Variants in SP140L observed in about 807,000 individuals in gnomAD.
The protein encoded by SP140L is SP140 like nuclear body protein.
In SP140L, 64 loss-of-function variants were observed where a neutral mutation model predicts 84.3. The ratio of observed to expected loss-of-function variants is 0.76; its 90% CI spans 0.62 to 0.94. The LOEUF (loss-of-function observed/expected upper bound fraction) is 0.94, where lower values mean the gene tolerates loss of function less well. Ranked by LOEUF, SP140L falls within the 40% of genes least tolerant of loss-of-function variation. The pLI is 0.00. For missense variants in SP140L, 628 were observed against 692.5 expected (o/e 0.91, Z 1.05); for synonymous variants, 242 against 236.9 (o/e 1.02, Z -0.20).
intron 18 of SP140L, among the ~76,000 whole-genome samples, chr2:230,402,357 C>G (rs2062385480): frequency 6.6e-6 from 1 of 152,182 alleles, no homozygotes; most frequent in Non-Finnish European, 1.5e-5. Context: ...GTAATAATCC[C>G]AACTGTGGAA....
intron 2 of SP140L, among the ~76,000 whole-genome samples, chr2:230,352,813 TATATATATATATATATTTGTATACACAC>T (rs1038452304): frequency 5.8e-5 from 8 of 136,778 alleles, no homozygotes; most frequent in Non-Finnish European, 9.0e-5. Context: ...TGTATGTGTG[TATATATATATATATATTTGTATACACAC>T]ATGCACACAC....
At chr2:230,396,536 T>G (rs1052103077) in intron 13 of SP140L, among the ~76,000 whole-genome samples, 6 of 152,162 alleles carry the variant, frequency 3.9e-5, no homozygotes, top group Admixed American at 3.9e-4. Context: ...AGTTGGTAAA[T>G]TCTCTAGTTT....
chr2:230,351,271 A>G (rs986603954), intron 2 of SP140L, among the ~76,000 whole-genome samples: 16 of 152,222 alleles, frequency 1.1e-4, no homozygotes, highest in Non-Finnish European at 1.8e-4. Context: ...CTTCTCCCAC[A>G]TGGCATAGTG....
In SP140L at chr2:230,375,742, G is replaced by GT. The variant is rs2061223189; in HGVS notation, c.637+4093dup. Among the ~76,000 whole-genome samples the GT allele has an allele frequency of 2.0e-5, 3 of 152,120 alleles. No homozygotes were observed. In the South Asian group the frequency reaches 6.2e-4, roughly 32 times the overall value. On this transcript the variant is annotated intron_variant, in intron 7 of 18. Transcript: ENST00000415673. ...GATCCTTTGCCCATTTTTAAATTAGGTTATGACATGATTTTGTTTTGTTTT... is the reference window on the plus strand; with the variant it reads ...GATCCTTTGCCCATTTTTAAATTAGGTTTATGACATGATTTTGTTTTGTTTT...
chr2:230,361,620 A>G lies in SP140L; in HGVS notation c.446A>G (p.Gln149Arg), dbSNP rs1291333723. The change falls in exon 5 of 19, where the codon CAA becomes CGA. Residue 149 changes from glutamine to arginine, a missense_variant. Gln to Arg is a conservative substitution (Grantham distance 43). This residue lies in a region of SP140L where 525 missense variants were observed against 518.4 expected (regional missense o/e 1.01). Coordinates refer to ENST00000415673, the MANE Select transcript of SP140L (RefSeq NM_138402.6). Reference protein sequence around the residue: ...HIYKSFKNAIQDKLSFQESDR... With the variant: ...HIYKSFKNAIRDKLSFQESDR... Reference sequence around the variant, plus strand: ...TCTCTCTCCCACTCTTCAGCAATCCAAGACAAATTGTCTTTCCAAGAAAGT... The same window carrying G: ...TCTCTCTCCCACTCTTCAGCAATCCGAGACAAATTGTCTTTCCAAGAAAGT... The G allele has an allele frequency of 1.4e-5, 22 of 1,558,558 alleles. No individual in the cohort carries two copies. Among genetic ancestry groups the G allele is most frequent in the Non-Finnish European group, 1.9e-5 (22 of 1,150,092 alleles).
chr2:230,339,182 T>C (rs2059961897), intron 2 of SP140L, among the ~76,000 whole-genome samples: 1 of 152,098 alleles, frequency 6.6e-6, no homozygotes, highest in South Asian at 2.1e-4. Flanking sequence ...GCTCCTGTTA[T>C]TGGCCTATTC....
At chr2:230,390,304 A>G (rs773963258) in intron 11 of SP140L, among the ~76,000 whole-genome samples, 5 of 152,238 alleles carry the variant, frequency 3.3e-5, no homozygotes, top group Non-Finnish European at 7.3e-5. Context: ...TTTACTTTGA[A>G]TCAGACAGAA....
intron 5 of SP140L, 117 bp from the exon 6 acceptor site, chr2:230,370,791 G>T (rs1244294317): frequency 2.3e-6 from 2 of 868,090 alleles, no homozygotes; most frequent in East Asian, 2.7e-5. Context: ...AGCAACCAGG[G>T]TGCAGAAAAG....
chr2:230,402,322 GA>G (rs1394204027), intron 18 of SP140L, among the ~76,000 whole-genome samples: 3 of 152,198 alleles, frequency 2.0e-5, no homozygotes, highest in Admixed American at 1.3e-4. Context: ...CTAACCCACT[GA>G]AATAAGCAAC....
intron 2 of SP140L, among the ~76,000 whole-genome samples, chr2:230,356,476 A>C (rs879168771): frequency 6.6e-6 from 1 of 152,222 alleles, no homozygotes; most frequent in Admixed American, 6.5e-5. Context: ...GAAGCCAGAC[A>C]CAAAAGCATG....
intron 11 of SP140L, 62 bp from the exon 12 acceptor site, chr2:230,392,025 T>A (rs2149810463): frequency 6.2e-7 from 1 of 1,601,714 alleles, no homozygotes; most frequent in East Asian, 2.2e-5. Flanking sequence ...ATGTGGTGAG[T>A]GGCCACAGTC....
chr2:230,384,397 C>T (rs1334233653), intron 8 of SP140L, among the ~76,000 whole-genome samples: 1 of 152,102 alleles, frequency 6.6e-6, no homozygotes, highest in Non-Finnish European at 1.5e-5. Flanking sequence ...CTAAGGATTT[C>T]CTTTCTCCTA....
chr2:230,346,118 G>A (rs1305431807), intron 2 of SP140L, among the ~76,000 whole-genome samples: 3 of 151,960 alleles, frequency 2.0e-5, no homozygotes, highest in South Asian at 2.1e-4. Flanking sequence ...CCTTTATCAC[G>A]CCTTCATTTA....
In SP140L at chr2:230,366,710, CTATTAT is replaced by C. The variant is rs60410770; in HGVS notation, c.524-4166_524-4161del. The stretch of plus-strand genomic sequence containing the variant: ...TTCTGGTTGTTTTGTGGATTATTAT[CTATTAT>C]TATTATTATTATTATTATTATTATT... On this transcript the variant is annotated intron_variant, in intron 5 of 18. Transcript: ENST00000415673. Among the ~76,000 whole-genome samples the C allele has an allele frequency of 1.6e-3, 231 of 144,576 alleles. 2 individuals are homozygous for C. Among genetic ancestry groups the C allele is most frequent in the Middle Eastern group, 3.6e-3 (1 of 280 alleles). The allele number at this position is 144,576 out of a possible 152,430, so 94.8% of individuals were successfully genotyped here.
chr2:230,365,736 C>A (rs998585635), intron 5 of SP140L, among the ~76,000 whole-genome samples: 1 of 151,826 alleles, frequency 6.6e-6, no homozygotes, highest in Admixed American at 6.6e-5. Context: ...TGTTTGAGAT[C>A]TTTCTTCTTT....
chr2:230,371,144 T>C (rs2061055366), intron 6 of SP140L, among the ~76,000 whole-genome samples, 177 bp downstream of exon 6: 1 of 152,248 alleles, frequency 6.6e-6, no homozygotes, highest in Non-Finnish European at 1.5e-5. Flanking sequence ...CTTATCAAGA[T>C]GGGCTCTGTT....
chr2:230,359,971 C>T (rs555165795), intron 4 of SP140L, among the ~76,000 whole-genome samples: 4 of 152,196 alleles, frequency 2.6e-5, no homozygotes, highest in African/African-American at 9.6e-5. Context: ...GGTATTGGTG[C>T]TATACCAAAC....
Position 230,359,923 on chromosome 2 carries a change from T to TTAAAGTTTGGTATTGGTGCTATACCAAAC in SP140L, c.439+829_439+857dup, listed in dbSNP as rs773258005. 1.7e-3 allele frequency among the ~76,000 whole-genome samples: 253 copies of TTAAAGTTTGGTATTGGTGCTATACCAAAC among 150,858 alleles called. 1 individual carries two copies. Among genetic ancestry groups the TTAAAGTTTGGTATTGGTGCTATACCAAAC allele is most frequent in the East Asian group, 2.3e-3 (12 of 5,114 alleles). ...TTGCTCGGACAGGGACTATACCAAA[T>TTAAAGTTTGGTATTGGTGCTATACCAAAC]TAAAGTTTGGTATTGGTGCTATACC... On this transcript the variant is annotated intron_variant, in intron 4 of 18. Transcript: ENST00000415673.
chr2:230,389,833 T>C (rs532203201), intron 10 of SP140L, 86 bp from the exon 11 acceptor site: 1 of 1,288,976 alleles, frequency 7.8e-7, no homozygotes, highest in African/African-American at 1.5e-5. Flanking sequence ...CTAAGTACTC[T>C]TTGTGCCTTT....
Sources: gnomAD v4.1 joint callset for allele counts (sites outside exome capture counted in the v4.1 genomes callset) on GRCh38, gnomAD v4.1.1 for gene constraint, gnomAD v4.1.1 regional missense constraint, MANE v1.5 for transcripts, NCBI Gene and HGNC (gene_info 2026-07-23, HGNC 2026-07-21) for gene names.